ZEB2: variants seen among roughly 807,000 people sequenced by gnomAD.
ZEB2 encodes zinc finger E-box binding homeobox 2.
Under a neutral mutation model 99.9 loss-of-function variants are expected in ZEB2, and 6 were observed. That is an observed-to-expected ratio of 0.06 (90% confidence interval 0.03 to 0.12). ZEB2 has a LOEUF of 0.12. ZEB2 is among the 10% of genes least tolerant of loss of function. The pLI, the probability that ZEB2 is intolerant of heterozygous loss-of-function variation, is 1.00. For missense variants in ZEB2, 969 were observed against 1,502.8 expected, an observed-to-expected ratio of 0.64 and a Z score of 5.87; for synonymous variants, 517 against 542.5, an observed-to-expected ratio of 0.95 and a Z score of 0.65.
At position 144,509,593 on chromosome 2, in the gene ZEB2, T is replaced by TTG. The variant is rs372903478; in HGVS notation, c.73+7683_73+7684dup. Among the ~76,000 whole-genome samples the TTG allele has an allele frequency of 2.6e-3, 400 of 152,060 alleles. 3 individuals carry two copies. Among genetic ancestry groups the TTG allele is most frequent in the African/African-American group, 9.3e-3 (384 of 41,462 alleles). The stretch of plus-strand genomic sequence containing the variant: ...TTGGAAGAGATTGCACTTCCAAAGT[T>TTG]TGTGTGTGTGTTTGTGTGTGTGAAT... On this transcript the variant is annotated intron_variant, in intron 2 of 9. Coordinates refer to ENST00000627532, the MANE Select transcript of ZEB2 (RefSeq NM_014795.4).
intron 2 of ZEB2, among the ~76,000 whole-genome samples, chr2:144,458,854 G>C (rs1244987899): frequency 6.6e-6 from 1 of 152,124 alleles, no homozygotes; most frequent in Non-Finnish European, 1.5e-5. Flanking sequence ...CCCTTTTTGA[G>C]ACAAAGGACG....
At chr2:144,488,061 AG>A (rs1704624901) in intron 2 of ZEB2, among the ~76,000 whole-genome samples, 1 of 152,172 alleles carries the variant, frequency 6.6e-6, no homozygotes. Flanking sequence ...ATCTAAAGCC[AG>A]GGGAGCTTTG....
Position 144,389,412 on chromosome 2 carries a change from C to T in ZEB2, c.*39G>A. On this transcript the variant is annotated 3_prime_UTR_variant, in exon 10 of 10. Coordinates refer to ENST00000627532, the MANE Select transcript of ZEB2 (RefSeq NM_014795.4). This position sits in a 1 kb window ranked among gnomAD's most constrained non-coding sequence, Gnocchi z 6.8. Reference sequence around the variant, plus strand: ...TGTTTTCAAGCAGGTAACAATACTACTGGAAAAAAAAATAGGAAGCTTAAA... The same window carrying T: ...TGTTTTCAAGCAGGTAACAATACTATTGGAAAAAAAAATAGGAAGCTTAAA... 1 of 1,610,770 alleles carries T rather than the reference C, an allele frequency of 6.2e-7. No homozygotes were observed. The highest frequency in any genetic ancestry group is 8.5e-7 in the Non-Finnish European group (1 of 1,177,176).
intron 2 of ZEB2, among the ~76,000 whole-genome samples, chr2:144,440,505 ATATATATATATTTTTTTTTT>A (rs1456049315): frequency 4.2e-3 from 66 of 15,632 alleles, no homozygotes; most frequent in South Asian, 0.031. Context: ...ATATATATAT[ATATATATATATTTTTTTTTT>A]TTTTTTTTTT....
chr2:144,467,754 T>G (rs1037541433), intron 2 of ZEB2, among the ~76,000 whole-genome samples: 1 of 152,168 alleles, frequency 6.6e-6, no homozygotes, highest in Non-Finnish European at 1.5e-5. Flanking sequence ...TTCATTATTA[T>G]TAGTTGTCAA....
At chr2:144,405,100 C>A in intron 4 of ZEB2, 76 bp from the exon 5 acceptor site, 1 of 1,481,432 alleles carries the variant, frequency 6.8e-7, no homozygotes, top group South Asian at 1.2e-5. Context: ...CCATCATAGC[C>A]AGTGAGAAAT....
chr2:144,490,118 T>G (rs2149918778), intron 2 of ZEB2, among the ~76,000 whole-genome samples: 1 of 152,282 alleles, frequency 6.6e-6, no homozygotes, highest in East Asian at 1.9e-4. Flanking sequence ...AAACACCTAG[T>G]TCCCTGAAAG....
At chr2:144,459,362 G>A (rs2149903376) in intron 2 of ZEB2, among the ~76,000 whole-genome samples, 1 of 152,236 alleles carries the variant, frequency 6.6e-6, no homozygotes, top group East Asian at 1.9e-4. Flanking sequence ...AAATACTAGA[G>A]GAGATTTTGA....
intron 9 of ZEB2, among the ~76,000 whole-genome samples, chr2:144,396,135 A>G (rs1560604842): frequency 6.6e-6 from 1 of 152,188 alleles, no homozygotes; most frequent in Non-Finnish European, 1.5e-5. Context: ...ATGCCATTTC[A>G]TTGCCCTGGC....
At chr2:144,426,195 T>G (rs1703688608) in intron 3 of ZEB2, among the ~76,000 whole-genome samples, 1 of 152,154 alleles carries the variant, frequency 6.6e-6, no homozygotes, top group Admixed American at 6.5e-5. Context: ...GGAATTTTCC[T>G]TTATTTAAAA....
chr2:144,441,164 C>CAAGAGAGAGAGAGAGAGAGAGAGA (rs745749103), intron 2 of ZEB2, among the ~76,000 whole-genome samples: 2 of 88,850 alleles, frequency 2.3e-5, no homozygotes, highest in African/African-American at 8.9e-5. Context: ...TTTAGCTGCA[C>CAAGAGAGAGAGAGAGAGAGAGAGA]GAGAGAGAGA....
In ZEB2 at chr2:144,384,329, T is replaced by A. The variant is rs1358176145; in HGVS notation, c.*5122A>T. 6.6e-6 allele frequency: 1 copy of A among 152,172 alleles called. No individual in the cohort carries two copies. Among genetic ancestry groups the A allele is most frequent in the Admixed American group, 6.6e-5 (1 of 15,258 alleles). The allele number at this position is 152,172 out of a possible 1,614,324, so 9.4% of individuals were successfully genotyped here. A position where few individuals can be genotyped will look rare whatever the true frequency, so the allele number is the denominator to read the frequency against. On this transcript the variant is annotated 3_prime_UTR_variant, in exon 10 of 10. Transcript: ENST00000627532. ...ATTATCTCGGTGCCATTTCTCTGAC[T>A]AATTCCACATTTCAGATACAAATGA...
intron 2 of ZEB2, chr2:144,495,004 A>G (rs1485371908): frequency 1.3e-5 from 2 of 152,226 alleles, no homozygotes; most frequent in African/African-American, 4.8e-5. Context: ...ACACACACAC[A>G]TATACTATCT....
intron 1 of ZEB2, chr2:144,517,689 T>A: frequency 2.9e-6 from 2 of 700,194 alleles, no homozygotes; most frequent in Non-Finnish European, 2.6e-6. Flanking sequence ...CTCCTGACCG[T>A]ATGAGGGAAT....
chr2:144,442,950 C>T (rs1703935592), intron 2 of ZEB2, among the ~76,000 whole-genome samples: 2 of 152,016 alleles, frequency 1.3e-5, no homozygotes, highest in Admixed American at 6.6e-5. Context: ...TTTTACTGGA[C>T]TTTTCAAAGA....
rs1573739437 is a variant in ZEB2 at position 144,424,665 on chromosome 2, A to G, written c.403+131T>C. On this transcript the variant is annotated intron_variant, in intron 4 of 9. Coordinates refer to ENST00000627532, the MANE Select transcript of ZEB2 (RefSeq NM_014795.4). Reference sequence around the variant, plus strand: ...GGAAATTTTGATTTGAAACAAAACCAGAGACCTGTAAAGTTGACTACTTGT... The same window carrying G: ...GGAAATTTTGATTTGAAACAAAACCGGAGACCTGTAAAGTTGACTACTTGT... 7 of 1,087,758 alleles carry G rather than the reference A, an allele frequency of 6.4e-6. No individual in the cohort carries two copies. In the East Asian group the frequency reaches 7.3e-5, roughly 11 times the overall value. 67.4% of individuals were successfully genotyped at this position (1,087,758 alleles called of 1,614,324 possible). A position where few individuals can be genotyped will look rare whatever the true frequency, so the allele number is the denominator to read the frequency against.
At chr2:144,491,210 C>G (rs1428450256) in intron 2 of ZEB2, among the ~76,000 whole-genome samples, 1 of 152,240 alleles carries the variant, frequency 6.6e-6, no homozygotes, top group African/African-American at 2.4e-5. Context: ...AGCAGCAGCT[C>G]CATTTTCCCT....
chr2:144,498,326 G>T (rs1216281449), intron 2 of ZEB2, among the ~76,000 whole-genome samples: 1 of 150,282 alleles, frequency 6.7e-6, no homozygotes, highest in Non-Finnish European at 1.5e-5. Context: ...GTGACCCCTT[G>T]TAAACTCAGA....
intron 2 of ZEB2, among the ~76,000 whole-genome samples, chr2:144,471,878 T>C (rs1704361032): frequency 6.6e-6 from 1 of 152,074 alleles, no homozygotes; most frequent in African/African-American, 2.4e-5. Context: ...TTTTCTGTGT[T>C]GGGTCTTAGA....
Sources: allele counts gnomAD v4.1 joint callset (sites outside exome capture counted in the v4.1 genomes callset), GRCh38; gene constraint gnomAD v4.1.1; non-coding constraint Gnocchi (gnomAD v3.1); transcripts MANE v1.5; gene names NCBI Gene and HGNC (gene_info 2026-07-23, HGNC 2026-07-21).